The following AVEN variants were observed in gnomAD, a reference collection of about 807,000 sequenced individuals.
AVEN encodes apoptosis and caspase activation inhibitor, also known as cell death regulator Aven.
AVEN carries 41 observed loss-of-function variants against 38.1 expected under a neutral mutation model. That is an observed-to-expected ratio of 1.08 (90% CI 0.84 to 1.40). AVEN has a LOEUF of 1.40. AVEN is among the 40% of genes most tolerant of loss of function. The pLI is 0.00. For synonymous variants in AVEN, 206 were observed against 171.8 expected (o/e 1.20, Z -1.56); for missense variants, 605 against 438.8 (o/e 1.38, Z -3.38).
chr15:33,946,761 T>G (rs1894524053), intron 2 of AVEN, among the ~76,000 whole-genome samples: 1 of 151,894 alleles, frequency 6.6e-6, no homozygotes, highest in Non-Finnish European at 1.5e-5. Flanking sequence ...GACGCATAAT[T>G]AAAGAGGGTA....
chr15:33,941,023 C>T (rs1445971533), intron 2 of AVEN, among the ~76,000 whole-genome samples: 1 of 152,202 alleles, frequency 6.6e-6, no homozygotes, highest in Admixed American at 6.5e-5. Context: ...ACAAATGTTT[C>T]AGAAACACTA....
At chr15:34,056,746 G>A (rs781429211) in intron 5 of AVEN, among the ~76,000 whole-genome samples, 6 of 152,104 alleles carry the variant, frequency 3.9e-5, no homozygotes, top group Non-Finnish European at 7.3e-5. Flanking sequence ...AAAGAGGAAG[G>A]GCCAGGTGTG....
Position 33,866,531 on chromosome 15 carries a change from G to T in AVEN, c.*82C>A. 1 of 972,590 alleles carries T rather than the reference G, an allele frequency of 1.0e-6. No individual in the cohort carries two copies. Among genetic ancestry groups the T allele is most frequent in the Non-Finnish European group, 1.6e-6 (1 of 619,990 alleles). The allele number at this position is 972,590 out of a possible 1,614,324, so 60.2% of individuals were successfully genotyped here. On this transcript the variant is annotated 3_prime_UTR_variant, in exon 6 of 6. Coordinates refer to ENST00000306730, the MANE Select transcript of AVEN (RefSeq NM_020371.3). ...CTAGCTTGAGACATGCTTGTAAACT[G>T]GCTGGTCCTGAAGGACAGCCTTATG...
intron 2 of AVEN, among the ~76,000 whole-genome samples, chr15:33,983,170 G>GTGTGTGTGTATA (rs796742277): frequency 7.9e-6 from 1 of 126,488 alleles, no homozygotes; most frequent in Admixed American, 8.5e-5. Context: ...ATGTGTGTGT[G>GTGTGTGTGTATA]TATATATACA....
chr15:33,857,915 G>A, downstream of AVEN: 1 of 1,613,758 alleles, frequency 6.2e-7, no homozygotes, highest in Non-Finnish European at 8.5e-7. Context: ...CATGATGACG[G>A]TGAGAGCCCA....
intron 5 of AVEN, among the ~76,000 whole-genome samples, chr15:34,044,473 T>C (rs537349873): frequency 2.0e-5 from 3 of 152,340 alleles, no homozygotes; most frequent in Admixed American, 6.5e-5. Flanking sequence ...GCCCTAGGTT[T>C]GTGGGGAAGA....
intron 1 of AVEN, among the ~76,000 whole-genome samples, chr15:34,071,491 G>A (rs1236618844): frequency 6.6e-6 from 1 of 151,950 alleles, no homozygotes; most frequent in Non-Finnish European, 1.5e-5. Context: ...GCCCAGGATG[G>A]TCTCGAACTC....
In AVEN at chr15:33,941,443, A is replaced by G. The variant is rs564630082; in HGVS notation, c.445+61589T>C. ...TGACACACGCAACTGAAACCTACCA[A>G]TCAAAGAATATGGTCACATGTGACA... On this transcript the variant is annotated intron_variant, in intron 2 of 5. Transcript: ENST00000306730. Among the ~76,000 whole-genome samples, 21 of 152,322 alleles carry G rather than the reference A, an allele frequency of 1.4e-4. 1 individual carries two copies. The South Asian group carries it at 3.7e-3, about 27-fold the overall frequency.
intron 2 of AVEN, among the ~76,000 whole-genome samples, chr15:33,970,891 T>C (rs1026373601): frequency 3.9e-5 from 6 of 151,970 alleles, no homozygotes; most frequent in African/African-American, 1.2e-4. Context: ...ACTACCTTGC[T>C]CCACCCCAAT....
At chr15:33,887,989 G>T (rs762708030) in intron 2 of AVEN, among the ~76,000 whole-genome samples, 1 of 152,100 alleles carries the variant, frequency 6.6e-6, no homozygotes, top group Non-Finnish European at 1.5e-5. Flanking sequence ...CACCCTCAGG[G>T]AGAGCAGATG....
At position 33,947,174 on chromosome 15, in the gene AVEN, C is replaced by T. The variant is rs548023314; in HGVS notation, c.445+55858G>A. Among the ~76,000 whole-genome samples, 44 of 152,226 alleles carry T rather than the reference C, an allele frequency of 2.9e-4. No individual in the cohort carries two copies. In the East Asian group the frequency reaches 7.5e-3, roughly 26 times the overall value. ...GTCAAGCGCAAGACTCCAGCCTCTC[C>T]AAGACTCCTTTCCCATCTAACTCTG... On this transcript the variant is annotated intron_variant, in intron 2 of 5. Coordinates refer to ENST00000306730, the MANE Select transcript of AVEN (RefSeq NM_020371.3).
In AVEN at chr15:33,875,799, G is replaced by C. The variant is rs1891198982; in HGVS notation, c.516+126C>G. The C allele has an allele frequency of 3.4e-6, 3 of 876,866 alleles. No homozygotes were observed. Among genetic ancestry groups the C allele is most frequent in the Non-Finnish European group, 5.1e-6 (3 of 591,912 alleles). 54.3% of individuals were successfully genotyped at this position (876,866 alleles called of 1,614,324 possible). A position where few individuals can be genotyped will look rare whatever the true frequency, so the allele number is the denominator to read the frequency against. On this transcript the variant is annotated intron_variant, in intron 3 of 5. Transcript: ENST00000306730. ...CCCTGAAAATTTTCTGAAAAGTTTA[G>C]CTGAGGGTACACTGTAAGAATTACT...
In AVEN at chr15:33,873,094, C is replaced by CTTTTTTT. The variant is rs34223352; in HGVS notation, c.517-2071_517-2065dup. 8.2e-3 allele frequency among the ~76,000 whole-genome samples: 697 copies of CTTTTTTT among 85,156 alleles called. 9 individuals are homozygous for CTTTTTTT. The highest frequency in any genetic ancestry group is 0.025 in the East Asian group (61 of 2,418). 55.9% of individuals were successfully genotyped at this position (85,156 alleles called of 152,430 possible). Reference sequence around the variant, plus strand: ...AAAACATATTTCTACTTTTCCTTTTCTTTTTTTTTTTTTTTTTTTTTTTTT... The same window carrying CTTTTTTT: ...AAAACATATTTCTACTTTTCCTTTTCTTTTTTTTTTTTTTTTTTTTTTTTTTTTTTTT... On this transcript the variant is annotated intron_variant, in intron 3 of 5. Transcript: ENST00000306730.
intron 4 of AVEN, 121 bp downstream of exon 4, chr15:33,870,814 A>C (rs1438222125): frequency 3.2e-6 from 2 of 631,486 alleles, no homozygotes; most frequent in South Asian, 4.3e-5. Context: ...CTACCTTGAT[A>C]TGAAACCCTC....
At chr15:34,062,571 A>AG (rs11424754) in intron 5 of AVEN, 76,609 of 660,460 alleles carry the variant, frequency 0.12, 3,181 homozygotes, top group Non-Finnish European at 0.13. Context: ...AAAAAAAAAA[A>AG]AAACTATAAA....
chr15:34,053,105 G>A lies in AVEN; in HGVS notation n.1637+9817C>T, dbSNP rs982809059. Reference sequence around the variant, plus strand: ...ACTTGAGATCAGGAATTTGAGACGAGCCTAGCCAATATGGTGAAACCCCAT... The same window carrying A: ...ACTTGAGATCAGGAATTTGAGACGAACCTAGCCAATATGGTGAAACCCCAT... On this transcript the variant is annotated intron_variant and non_coding_transcript_variant, in intron 5 of 11. Coordinates refer to the AVEN transcript ENST00000675287. Among the ~76,000 whole-genome samples, 8 of 151,594 alleles carry A rather than the reference G, an allele frequency of 5.3e-5. No individual in the cohort carries two copies. The East Asian group carries it at 1.5e-3, about 29-fold the overall frequency.
chr15:33,920,678 C>G (rs1221342255), intron 2 of AVEN, among the ~76,000 whole-genome samples: 2 of 152,216 alleles, frequency 1.3e-5, no homozygotes, highest in Non-Finnish European at 2.9e-5. Context: ...CTCTTAAGGA[C>G]AAGGGCCACA....
chr15:33,931,277 A>C (rs1352052592), intron 2 of AVEN, among the ~76,000 whole-genome samples: 1 of 151,698 alleles, frequency 6.6e-6, no homozygotes. Flanking sequence ...GTTTCAGTCA[A>C]CACATAACCA....
chr15:33,964,196 T>G (rs1168838424), intron 2 of AVEN, among the ~76,000 whole-genome samples: 1 of 152,162 alleles, frequency 6.6e-6, no homozygotes, highest in Non-Finnish European at 1.5e-5. Context: ...TGAGGAATAT[T>G]AGTACCCAAT....
Sources: allele counts gnomAD v4.1 joint callset (sites outside exome capture counted in the v4.1 genomes callset), GRCh38; gene constraint gnomAD v4.1.1; transcripts MANE v1.5; gene names NCBI Gene and HGNC (gene_info 2026-07-23, HGNC 2026-07-21).